Variants in PI4KA observed in about 807,000 individuals in gnomAD.
PI4KA encodes the protein phosphatidylinositol 4-kinase alpha.
PI4KA carries 122 observed loss-of-function variants against 271.4 expected under a neutral mutation model. The ratio of observed to expected loss-of-function variants is 0.45; its 90% CI spans 0.39 to 0.52. The LOEUF (loss-of-function observed/expected upper bound fraction) is 0.52, where lower values mean the gene tolerates loss of function less well. Among genes scored for constraint, PI4KA ranks in the 20% least tolerant of loss-of-function variants. PI4KA has a pLI of 0.00. For missense variants in PI4KA, 1,969 were observed against 2,769.1 expected, an observed-to-expected ratio of 0.71 and a Z score of 6.48; for synonymous variants, 1,041 against 1,078.8, an observed-to-expected ratio of 0.96 and a Z score of 0.69.
At chr22:20,761,247 C>T (rs1931937434) in intron 23 of PI4KA, 57 bp downstream of exon 23, 2 of 949,054 alleles carry the variant, frequency 2.1e-6, no homozygotes, top group African/African-American at 1.6e-5. Context: ...AAGTAGTACG[C>T]CTTTTTACCC....
intron 45 of PI4KA, 58 bp downstream of exon 45, chr22:20,717,650 C>T (rs1926174006): frequency 2.9e-6 from 4 of 1,365,370 alleles, no homozygotes; most frequent in Non-Finnish European, 4.1e-6. Context: ...AGCCTTCACG[C>T]CCCGCCGCCC....
intron 45 of PI4KA, among the ~76,000 whole-genome samples, chr22:20,716,749 T>C (rs1926048482): frequency 1.3e-5 from 2 of 152,202 alleles, no homozygotes; most frequent in Non-Finnish European, 2.9e-5. Flanking sequence ...CCAGCAGTTG[T>C]GGCCTTCCCG....
At chr22:20,731,438 T>C (rs1030364482) in intron 36 of PI4KA, among the ~76,000 whole-genome samples, 9 of 151,966 alleles carry the variant, frequency 5.9e-5, no homozygotes, top group Non-Finnish European at 8.8e-5. Flanking sequence ...AAGAAAACCA[T>C]CTCAGCCAGG....
chr22:20,726,613 C>A, intron 41 of PI4KA, 72 bp from the exon 42 acceptor site: 1 of 1,361,930 alleles, frequency 7.3e-7, no homozygotes, highest in Non-Finnish European at 1.0e-6. Context: ...CCAGGCCCTG[C>A]CTCTGCTTCT....
At chr22:20,793,145 A>G in intron 19 of PI4KA, 48 bp downstream of exon 19, 1 of 1,107,272 alleles carries the variant, frequency 9.0e-7, no homozygotes, top group Middle Eastern at 2.0e-4. Flanking sequence ...CACTTAAAGC[A>G]TGAACACAGT....
chr22:20,799,276 C>T lies in PI4KA; in HGVS notation c.1821G>A (p.Lys607=), dbSNP rs778007723. 1 of 1,515,216 alleles carries T rather than the reference C, an allele frequency of 6.6e-7. No individual in the cohort carries two copies. Among genetic ancestry groups the T allele is most frequent in the Admixed American group, 2.3e-5 (1 of 43,162 alleles). 93.9% of individuals were successfully genotyped at this position (1,515,216 alleles called of 1,614,324 possible). A position where few individuals can be genotyped will look rare whatever the true frequency, so the allele number is the denominator to read the frequency against. Residue 607 remains lysine (K), a splice_region_variant and synonymous_variant, in exon 16 of 55, where the codon AAG becomes AAA. Coordinates refer to ENST00000255882, the MANE Select transcript of PI4KA (RefSeq NM_058004.4). Reference sequence around the variant, plus strand: ...TGTGGTCGGGAATCAAGTGAGCGTCCCTACAGAAGGAAGAACAGAAGCGCC... The same window carrying T: ...TGTGGTCGGGAATCAAGTGAGCGTCTCTACAGAAGGAAGAACAGAAGCGCC... The part of the protein sequence containing the change: ...NRLYISQESD[K]DAHLIPDHTI...
chr22:20,786,960 C>A (rs1934289632), intron 19 of PI4KA: 1 of 1,614,196 alleles, frequency 6.2e-7, no homozygotes, highest in African/African-American at 1.3e-5. Context: ...CCGCTGTCCA[C>A]CCAAGTCCGC....
chr22:20,801,084 G>A (rs165606), intron 14 of PI4KA, among the ~76,000 whole-genome samples: 65,336 of 144,076 alleles, frequency 0.45, 15,398 homozygotes, highest in African/African-American at 0.57. Flanking sequence ...TAGAGACAGG[G>A]TTTCACCATA....
At chr22:20,839,346 C>T (rs538212707) in intron 1 of PI4KA, among the ~76,000 whole-genome samples, 1 of 152,198 alleles carries the variant, frequency 6.6e-6, no homozygotes, top group East Asian at 1.9e-4. Flanking sequence ...TACACGTGCC[C>T]CTCAAAACAC....
intron 29 of PI4KA, among the ~76,000 whole-genome samples, chr22:20,746,046 A>C (rs1479572282): frequency 7.1e-6 from 1 of 141,580 alleles, no homozygotes; most frequent in Non-Finnish European, 1.5e-5. Flanking sequence ...ATCAAAAAAA[A>C]AAAAAAAAAA....
At position 20,799,912 on chromosome 22, in the gene PI4KA, T is replaced by A. The variant is rs1265395222; in HGVS notation, c.1725-146A>T. 1.9e-5 allele frequency: 11 copies of A among 593,668 alleles called. No homozygotes were observed. The Admixed American group carries it at 3.6e-4, about 19-fold the overall frequency. The allele number at this position is 593,668 out of a possible 1,614,324, so 36.8% of individuals were successfully genotyped here. On this transcript the variant is annotated intron_variant, in intron 14 of 54. Coordinates refer to ENST00000255882, the MANE Select transcript of PI4KA (RefSeq NM_058004.4). ...CCAAATTGGAGGTCATAACACAGAA[T>A]GAATTCAAAGAATTACTCCAGATTT... is the stretch of plus-strand genomic sequence containing the variant.
chr22:20,716,151 C>T (rs946330581), intron 45 of PI4KA, among the ~76,000 whole-genome samples: 25 of 152,050 alleles, frequency 1.6e-4, no homozygotes, highest in African/African-American at 5.3e-4. Context: ...CCCGGGTTCA[C>T]GCCATTCTCC....
chr22:20,806,817 G>A (rs777562499), intron 10 of PI4KA, among the ~76,000 whole-genome samples: 27 of 151,620 alleles, frequency 1.8e-4, no homozygotes, highest in Non-Finnish European at 3.5e-4. Context: ...TGCAACCTCC[G>A]CCTCCCAAGT....
At chr22:20,807,291 C>G in intron 10 of PI4KA, 71 bp downstream of exon 10, 2 of 924,650 alleles carry the variant, frequency 2.2e-6, no homozygotes, top group South Asian at 2.7e-5. Flanking sequence ...AGTCTGCAAC[C>G]ACTAGCATGC....
intron 23 of PI4KA, among the ~76,000 whole-genome samples, chr22:20,754,118 A>G (rs1022027681): frequency 2.0e-5 from 3 of 151,622 alleles, no homozygotes; most frequent in Non-Finnish European, 4.4e-5. Flanking sequence ...ACAGGGTCTC[A>G]CTTTGTTGCC....
chr22:20,819,053 G>A lies in PI4KA; in HGVS notation c.790-504C>T, dbSNP rs533729007. Among the ~76,000 whole-genome samples, 7 of 152,292 alleles carry A rather than the reference G, an allele frequency of 4.6e-5. No individual in the cohort carries two copies. The South Asian group carries it at 1.0e-3, about 23-fold the overall frequency. On this transcript the variant is annotated intron_variant, in intron 6 of 54. Transcript: ENST00000255882. ...AGGGGACCAGAGCAAATCAGAGGCC[G>A]CAAAGGCCTAGAGTTTTGGTTTTTA... is the stretch of plus-strand genomic sequence containing the variant.
chr22:20,766,620 G>A (rs754521330), intron 19 of PI4KA, among the ~76,000 whole-genome samples: 2 of 152,280 alleles, frequency 1.3e-5, no homozygotes, highest in South Asian at 2.1e-4. Flanking sequence ...AGCCAAGATC[G>A]CACCATTGCA....
At chr22:20,769,176 A>C (rs965461934) in intron 19 of PI4KA, among the ~76,000 whole-genome samples, 1 of 152,166 alleles carries the variant, frequency 6.6e-6, no homozygotes, top group Non-Finnish European at 1.5e-5. Context: ...TGACACAGAA[A>C]AGAGGAAGTA....
chr22:20,781,914 C>T (rs771812319), intron 19 of PI4KA, among the ~76,000 whole-genome samples: 17 of 152,032 alleles, frequency 1.1e-4, no homozygotes, highest in Admixed American at 3.3e-4. Context: ...CTGACAGGGC[C>T]GAGGGAAGAA....
Sources: allele counts gnomAD v4.1 joint callset (sites outside exome capture counted in the v4.1 genomes callset), GRCh38; gene constraint gnomAD v4.1.1; transcripts MANE v1.5; gene names NCBI Gene and HGNC (gene_info 2026-07-23, HGNC 2026-07-21).